Variants in BEX4 observed in about 807,000 individuals in gnomAD.
BEX4 encodes brain expressed X-linked 4, also known as protein BEX4.
For missense variants in BEX4, 110 were observed against 96.5 expected (o/e 1.14, Z -0.59); for synonymous variants, 37 against 33.5 (o/e 1.11, Z -0.36).
chrX:103,216,128 T>G (rs1924577330), intron 2 of BEX4, 21 bp from the exon 3 acceptor site: 2 of 1,126,747 alleles, frequency 1.8e-6, no homozygotes, highest in Non-Finnish European at 2.3e-6. Context: ...TTCAGCCCAT[T>G]TTCTCTCTCT....
intron 1 of BEX4, among the ~76,000 whole-genome samples, 180 bp downstream of exon 1, chrX:103,215,418 G>T (rs1025460087): frequency 1.8e-5 from 2 of 112,393 alleles, no homozygotes; most frequent in African/African-American, 6.4e-5. Context: ...GGGAGCCGGC[G>T]GTCCTGGGGC....
rs1190530634 is a variant in BEX4, at chrX:103,215,114, T to A, written c.-213T>A. On this transcript the variant is annotated 5_prime_UTR_variant, in exon 1 of 3. Transcript: ENST00000372695. Reference sequence around the variant, plus strand: ...CACGTGACCGGCCAACACTGAGTGTTGTCTCGCTCTGGCGTCAGAGCCGTC... The same window carrying A: ...CACGTGACCGGCCAACACTGAGTGTAGTCTCGCTCTGGCGTCAGAGCCGTC... 1.3e-6 allele frequency: 1 copy of A among 752,097 alleles called. No homozygotes were observed. The highest frequency in any genetic ancestry group is 1.6e-6 in the Non-Finnish European group (1 of 638,936). 62.0% of individuals were successfully genotyped at this position (752,097 alleles called of 1,213,427 possible). A position where few individuals can be genotyped will look rare whatever the true frequency, so the allele number is the denominator to read the frequency against.
chrX:103,215,220 G>A lies in BEX4; in HGVS notation c.-107G>A, dbSNP rs2147646521. 1.3e-6 allele frequency: 1 copy of A among 754,254 alleles called. No homozygotes were observed. Among genetic ancestry groups the A allele is most frequent in the East Asian group, 1.5e-4 (1 of 6,612 alleles). The allele number at this position is 754,254 out of a possible 1,213,427, so 62.2% of individuals were successfully genotyped here. ...TGGGCCAGGGGCGGCCCCGAAATTA[G>A]GAAGCGGAGGGGGAGCAGGTAAGGA... On this transcript the variant is annotated 5_prime_UTR_variant, in exon 1 of 3. Coordinates refer to ENST00000372695, the MANE Select transcript of BEX4 (RefSeq NM_001080425.4).
chrX:103,217,145 G>GTA lies in BEX4; in HGVS notation c.*638_*639dup, dbSNP rs1315358923. 8.1e-6 allele frequency: 1 copy of GTA among 122,790 alleles called. No individual in the cohort carries two copies. Among genetic ancestry groups the GTA allele is most frequent in the Admixed American group, 9.6e-5 (1 of 10,442 alleles). 10.1% of individuals were successfully genotyped at this position (122,790 alleles called of 1,213,427 possible). On this transcript the variant is annotated 3_prime_UTR_variant, in exon 3 of 3. Coordinates refer to ENST00000372695, the MANE Select transcript of BEX4 (RefSeq NM_001080425.4). ...TAACTATATACATATGTGTGTGTGT[G>GTA]TATATATATAATGTGTCATAACCGT...
rs150891402 is a variant in BEX4 at position 103,216,163 on chromosome X, A to G, written c.10A>G (p.Lys4Glu). ...TTGTCTCCTAGGAGTAATGGAGTCC[A>G]AAGAGGAACTAGCGGCAAACAATCT... MES[K>E]EELAANNLNG... is the part of the protein sequence containing the mutation. The change falls in exon 3 of 3, where the codon AAA becomes GAA. Residue 4 changes from lysine (K) to glutamate (E), a missense_variant. Physicochemically the swap from Lys to Glu is moderately conservative, Grantham distance 56. Coordinates refer to ENST00000372695, the MANE Select transcript of BEX4 (RefSeq NM_001080425.4). 114 of 1,144,942 alleles carry G rather than the reference A, an allele frequency of 1.0e-4. No homozygotes were observed. The highest frequency in any genetic ancestry group is 1.2e-4 in the Non-Finnish European group (105 of 866,466). 94.4% of individuals were successfully genotyped at this position (1,144,942 alleles called of 1,213,427 possible).
rs1381977275 is a variant in BEX4 at position 103,217,016 on chromosome X, T to A, written c.*500T>A. The A allele has an allele frequency of 8.1e-6, 1 of 123,164 alleles. No homozygotes were observed. The highest frequency in any genetic ancestry group is 1.9e-5 in the Non-Finnish European group (1 of 53,722). The allele number at this position is 123,164 out of a possible 1,213,427, so 10.2% of individuals were successfully genotyped here. A position where few individuals can be genotyped will look rare whatever the true frequency, so the allele number is the denominator to read the frequency against. ...GGGGCATTTAAAAATGTAGGACCTATCGTCCAGACTCACAGAGTGGGGCTC... is the reference window on the plus strand; with the variant it reads ...GGGGCATTTAAAAATGTAGGACCTAACGTCCAGACTCACAGAGTGGGGCTC... On this transcript the variant is annotated 3_prime_UTR_variant, in exon 3 of 3. Transcript: ENST00000372695.
chrX:103,216,603 G>A lies in BEX4; in HGVS notation c.*87G>A. On this transcript the variant is annotated 3_prime_UTR_variant, in exon 3 of 3. Coordinates refer to ENST00000372695, the MANE Select transcript of BEX4 (RefSeq NM_001080425.4). ...TTTACTTTTTCTGTAAGCCTTTTGG[G>A]GTTTACACTTACCAGTTTCTAATGG... 1 of 1,001,807 alleles carries A rather than the reference G, an allele frequency of 1.0e-6. No individual in the cohort carries two copies. 82.6% of individuals were successfully genotyped at this position (1,001,807 alleles called of 1,213,427 possible).
chrX:103,216,375 T>C lies in BEX4; in HGVS notation c.222T>C (p.Asn74=). The C allele has an allele frequency of 8.3e-7, 1 of 1,211,404 alleles. No homozygotes were observed. Among genetic ancestry groups the C allele is most frequent in the African/African-American group, 1.7e-5 (1 of 57,638 alleles). The change falls in exon 3 of 3, where the codon AAT becomes AAC. Residue 74 remains asparagine, a synonymous_variant. Transcript: ENST00000372695. ...TACCTAATAGGCATATTGAGCACAA[T>C]GAAGCGAGAGATGATGTAGAAAGGT... is the stretch of plus-strand genomic sequence containing the variant. The part of the protein sequence containing the change: ...WAIPNRHIEH[N]EARDDVERFV...
chrX:103,215,564 G>GAGGGCCAGGGCC (rs754363687), intron 1 of BEX4, 118 bp from the exon 2 acceptor site: 9 of 519,319 alleles, frequency 1.7e-5, no homozygotes, highest in South Asian at 4.9e-5. Flanking sequence ...GGGTGGCGAG[G>GAGGGCCAGGGCC]AGGGCCAGGG....
Position 103,217,219 on chromosome X carries a change from T to G in BEX4, c.*703T>G, listed in dbSNP as rs765593007. On this transcript the variant is annotated 3_prime_UTR_variant, in exon 3 of 3. Coordinates refer to ENST00000372695, the MANE Select transcript of BEX4 (RefSeq NM_001080425.4). ...AATCTGACTTTGATGGGCAAGTAAT[T>G]AAAAAAGAAAAGTATGAGACCTTAA... 8.1e-6 allele frequency: 1 copy of G among 122,725 alleles called. No homozygotes were observed. The highest frequency in any genetic ancestry group is 3.8e-4 in the South Asian group (1 of 2,640). 10.1% of individuals were successfully genotyped at this position (122,725 alleles called of 1,213,427 possible). A position where few individuals can be genotyped will look rare whatever the true frequency, so the allele number is the denominator to read the frequency against.
At position 103,216,130 on chromosome X, in the gene BEX4, T is replaced by C; in HGVS notation, c.-5-19T>C. 8.9e-7 allele frequency: 1 copy of C among 1,127,354 alleles called. No individual in the cohort carries two copies. Among genetic ancestry groups the C allele is most frequent in the Non-Finnish European group, 1.2e-6 (1 of 856,415 alleles). 92.9% of individuals were successfully genotyped at this position (1,127,354 alleles called of 1,213,427 possible). A position where few individuals can be genotyped will look rare whatever the true frequency, so the allele number is the denominator to read the frequency against. ...AGTCCACCAAGAATTCAGCCCATTT[T>C]CTCTCTCTTGTCTCCTAGGAGTAAT... On this transcript the variant is annotated intron_variant, in intron 2 of 2. Coordinates refer to ENST00000372695, the MANE Select transcript of BEX4 (RefSeq NM_001080425.4).
At chrX:103,215,299 T>G in intron 1 of BEX4, 61 bp downstream of exon 1, 1 of 699,836 alleles carries the variant, frequency 1.4e-6, no homozygotes, top group Non-Finnish European at 1.7e-6. Flanking sequence ...GGCCTGCGGA[T>G]GCCCACCCCG....
In BEX4 at chrX:103,216,204, CCAA is replaced by C; in HGVS notation, c.55_57del (p.Gln19del). ...CAAACAATCTCAACGGGGAAAATGC[CCAA>C]CAAGAAAACGAAGGAGGGGAGCAGG... On this transcript the variant is annotated inframe_deletion, in exon 3 of 3. Transcript: ENST00000372695. 8.7e-7 allele frequency: 1 copy of C among 1,150,699 alleles called. No individual in the cohort carries two copies. Among genetic ancestry groups the C allele is most frequent in the South Asian group, 2.1e-5 (1 of 46,574 alleles). 94.8% of individuals were successfully genotyped at this position (1,150,699 alleles called of 1,213,427 possible). A position where few individuals can be genotyped will look rare whatever the true frequency, so the allele number is the denominator to read the frequency against.
In BEX4 at chrX:103,215,216, A is replaced by G; in HGVS notation, c.-111A>G. ...CGTGTGGGCCAGGGGCGGCCCCGAA[A>G]TTAGGAAGCGGAGGGGGAGCAGGTA... is the stretch of plus-strand genomic sequence containing the variant. On this transcript the variant is annotated 5_prime_UTR_variant, in exon 1 of 3. Coordinates refer to ENST00000372695, the MANE Select transcript of BEX4 (RefSeq NM_001080425.4). 1 of 753,192 alleles carries G rather than the reference A, an allele frequency of 1.3e-6. No individual in the cohort carries two copies. Among genetic ancestry groups the G allele is most frequent in the East Asian group, 1.5e-4 (1 of 6,517 alleles). The allele number at this position is 753,192 out of a possible 1,213,427, so 62.1% of individuals were successfully genotyped here. A position where few individuals can be genotyped will look rare whatever the true frequency, so the allele number is the denominator to read the frequency against.
At chrX:103,215,292 C>T in intron 1 of BEX4, 54 bp downstream of exon 1, 1 of 707,379 alleles carries the variant, frequency 1.4e-6, no homozygotes, top group African/African-American at 2.3e-5. Context: ...TGGCTCCGGC[C>T]TGCGGATGCC....
intron 1 of BEX4, 83 bp downstream of exon 1, chrX:103,215,321 C>A: frequency 1.5e-6 from 1 of 648,927 alleles, no homozygotes; most frequent in Non-Finnish European, 1.8e-6. Context: ...GGGAGCCGTG[C>A]GGAGAAGCAA....
chrX:103,216,578 T>C lies in BEX4; in HGVS notation c.*62T>C. ...GCTTTACAAGCTTGTATTTTTGTGATTTACTTTTTCTGTAAGCCTTTTGGG... is the reference window on the plus strand; with the variant it reads ...GCTTTACAAGCTTGTATTTTTGTGACTTACTTTTTCTGTAAGCCTTTTGGG... On this transcript the variant is annotated 3_prime_UTR_variant, in exon 3 of 3. Coordinates refer to ENST00000372695, the MANE Select transcript of BEX4 (RefSeq NM_001080425.4). 5 of 1,097,747 alleles carry C rather than the reference T, an allele frequency of 4.6e-6. No homozygotes were observed. The highest frequency in any genetic ancestry group is 6.1e-6 in the Non-Finnish European group (5 of 825,873). 90.5% of individuals were successfully genotyped at this position (1,097,747 alleles called of 1,213,427 possible). A position where few individuals can be genotyped will look rare whatever the true frequency, so the allele number is the denominator to read the frequency against.
Position 103,216,139 on chromosome X carries a change from T to C in BEX4, c.-5-10T>C. ...AGAATTCAGCCCATTTTCTCTCTCTTGTCTCCTAGGAGTAATGGAGTCCAA... is the reference window on the plus strand; with the variant it reads ...AGAATTCAGCCCATTTTCTCTCTCTCGTCTCCTAGGAGTAATGGAGTCCAA... On this transcript the variant is annotated splice_polypyrimidine_tract_variant and intron_variant, in intron 2 of 2. Coordinates refer to ENST00000372695, the MANE Select transcript of BEX4 (RefSeq NM_001080425.4). The C allele has an allele frequency of 1.8e-6, 2 of 1,128,402 alleles. No homozygotes were observed. The highest frequency in any genetic ancestry group is 2.3e-6 in the Non-Finnish European group (2 of 856,852). 93.0% of individuals were successfully genotyped at this position (1,128,402 alleles called of 1,213,427 possible).
chrX:103,215,558 G>A (rs1288683118), intron 1 of BEX4, 124 bp from the exon 2 acceptor site: 4 of 493,417 alleles, frequency 8.1e-6, no homozygotes, highest in Non-Finnish European at 1.1e-5. Context: ...GGGCGAGGGT[G>A]GCGAGGAGGG....
Sources: gnomAD v4.1 joint callset for allele counts (sites outside exome capture counted in the v4.1 genomes callset) on GRCh38, gnomAD v4.1.1 for gene constraint, MANE v1.5 for transcripts, NCBI Gene and HGNC (gene_info 2026-07-23, HGNC 2026-07-21) for gene names.